The following DOCK1 variants were observed in gnomAD, a reference collection of about 807,000 sequenced individuals.
DOCK1 encodes the protein dedicator of cytokinesis 1.
A neutral mutation model predicts 262.7 loss-of-function variants in DOCK1; 138 were observed. The observed-to-expected ratio is 0.53, with a 90% CI of 0.46 to 0.61. The LOEUF (loss-of-function observed/expected upper bound fraction) is 0.61. DOCK1 is among the 20% of genes least tolerant of loss of function. DOCK1 has a pLI of 0.00. For missense variants in DOCK1, 1,908 were observed against 2,370.7 expected (o/e 0.80, Z 4.05); for synonymous variants, 866 against 867.4 (o/e 1.00, Z 0.03).
At chr10:126,953,168 ATTG>A (rs1267980155) in intron 1 of DOCK1, among the ~76,000 whole-genome samples, 1 of 148,586 alleles carries the variant, frequency 6.7e-6, no homozygotes, top group African/African-American at 2.5e-5. Flanking sequence ...TGGTGGTGGT[ATTG>A]TTATTGGCAG....
At chr10:127,341,860 G>A (rs2063442651) in intron 30 of DOCK1, among the ~76,000 whole-genome samples, 1 of 152,172 alleles carries the variant, frequency 6.6e-6, no homozygotes, top group African/African-American at 2.4e-5. Context: ...GCCTGCTGTC[G>A]GCTGCATTCT....
rs528010465 is a variant in DOCK1, at chr10:127,344,863, C to G, written c.3224+1117C>G. ...TCCAGCCTGGGCAACATGGCAAGAC[C>G]CCCTTTCAAAAAAAAAGAGAAGAAA... On this transcript the variant is annotated intron_variant, in intron 31 of 51. Coordinates refer to ENST00000623213, the MANE Select transcript of DOCK1 (RefSeq NM_001290223.2). 2.6e-5 allele frequency among the ~76,000 whole-genome samples: 4 copies of G among 152,070 alleles called. No homozygotes were observed. The East Asian group carries it at 7.7e-4, about 29-fold the overall frequency.
In DOCK1 at chr10:127,338,173, T is replaced by C. The variant is rs116871378; in HGVS notation, c.3045-833T>C. ...TTATCATCTGTGACCTAATACTAAT[T>C]CCTCTTACATCCTGCCTTTGTGCAA... On this transcript the variant is annotated intron_variant, in intron 29 of 51. Coordinates refer to ENST00000623213, the MANE Select transcript of DOCK1 (RefSeq NM_001290223.2). Among the ~76,000 whole-genome samples the C allele has an allele frequency of 7.0e-3, 1,066 of 152,272 alleles. 7 individuals carry two copies. Among genetic ancestry groups the C allele is most frequent in the Middle Eastern group, 0.031 (9 of 294 alleles).
At chr10:126,960,779 T>C (rs1446096879) in intron 1 of DOCK1, among the ~76,000 whole-genome samples, 4 of 108,144 alleles carry the variant, frequency 3.7e-5, no homozygotes, top group African/African-American at 8.7e-5. Context: ...TATATACGTA[T>C]ATATGTGTAT....
Position 127,160,441 on chromosome 10 carries a change from T to C in DOCK1, c.2847+32677T>C, listed in dbSNP as rs561313240. Reference sequence around the variant, plus strand: ...CTGGTTGCAGAGTTCAGCAGCATGCTGTGGGCCCCTCCCTGGAAGATGTGT... The same window carrying C: ...CTGGTTGCAGAGTTCAGCAGCATGCCGTGGGCCCCTCCCTGGAAGATGTGT... On this transcript the variant is annotated intron_variant, in intron 27 of 51. Coordinates refer to ENST00000623213, the MANE Select transcript of DOCK1 (RefSeq NM_001290223.2). 1.6e-4 allele frequency among the ~76,000 whole-genome samples: 25 copies of C among 152,344 alleles called. No homozygotes were observed. The South Asian group carries it at 4.6e-3, about 28-fold the overall frequency.
At position 126,988,665 on chromosome 10, in the gene DOCK1, A is replaced by T. The variant is rs2153439; in HGVS notation, c.324+1048A>T. On this transcript the variant is annotated intron_variant, in intron 5 of 51. Transcript: ENST00000623213. ...GACCTACTTAAGTCTGTAACCCTAG[A>T]GTAGGTATTCTTAATGAGCACCTTG... Among the ~76,000 whole-genome samples the T allele has an allele frequency of 8.2e-3, 1,249 of 152,338 alleles. 21 individuals are homozygous for T. The highest frequency in any genetic ancestry group is 0.028 in the African/African-American group (1,183 of 41,586).
chr10:127,429,110 G>A (rs1303934747), intron 47 of DOCK1, among the ~76,000 whole-genome samples: 1 of 151,802 alleles, frequency 6.6e-6, no homozygotes, highest in Non-Finnish European at 1.5e-5. Context: ...TTGGGATGCT[G>A]TGTGTCCTTG....
chr10:127,167,116 C>A (rs1298470089), intron 27 of DOCK1, among the ~76,000 whole-genome samples: 1 of 151,852 alleles, frequency 6.6e-6, no homozygotes, highest in South Asian at 2.1e-4. Context: ...TTTTTAAGAA[C>A]TTAAAAGTAG....
At chr10:127,387,318 C>T (rs1369044673) in intron 38 of DOCK1, among the ~76,000 whole-genome samples, 2 of 152,220 alleles carry the variant, frequency 1.3e-5, no homozygotes, top group Non-Finnish European at 2.9e-5. Flanking sequence ...GAGGACGTTG[C>T]TTGAGTCAGT....
At chr10:127,279,073 A>G (rs548809220) in intron 29 of DOCK1, among the ~76,000 whole-genome samples, 63 of 152,352 alleles carry the variant, frequency 4.1e-4, no homozygotes, top group African/African-American at 7.9e-4. Context: ...TAGTTAATTA[A>G]TAATTTTCCA....
intron 29 of DOCK1, among the ~76,000 whole-genome samples, chr10:127,305,105 GTC>G (rs2061827268): frequency 1.3e-5 from 2 of 151,832 alleles, no homozygotes; most frequent in African/African-American, 4.8e-5. Context: ...TCTCACCCCA[GTC>G]TAATTTTGCA....
chr10:127,174,523 C>T (rs1029055295), intron 27 of DOCK1, among the ~76,000 whole-genome samples: 5 of 152,142 alleles, frequency 3.3e-5, no homozygotes, highest in African/African-American at 4.8e-5. Context: ...GTCTTATCAA[C>T]GCAATAAAGT....
chr10:127,107,772 A>G (rs988538023), intron 24 of DOCK1, among the ~76,000 whole-genome samples: 5 of 152,206 alleles, frequency 3.3e-5, no homozygotes, highest in African/African-American at 1.2e-4. Context: ...CTCATATTTT[A>G]GTAGCTCAGG....
At chr10:127,224,832 G>A (rs11599788) in intron 27 of DOCK1, among the ~76,000 whole-genome samples, 32,443 of 151,900 alleles carry the variant, frequency 0.21, 4,440 homozygotes, top group Admixed American at 0.31. Flanking sequence ...TGAAGTAGGA[G>A]TTTTAGGGAG....
intron 23 of DOCK1, among the ~76,000 whole-genome samples, chr10:127,069,307 T>C (rs892883150): frequency 5.9e-5 from 9 of 152,152 alleles, no homozygotes; most frequent in African/African-American, 2.2e-4. Flanking sequence ...TTGTGTTTCT[T>C]GGTACAGGAT....
At chr10:126,996,002 G>C (rs1247232890) in intron 6 of DOCK1, among the ~76,000 whole-genome samples, 1 of 152,084 alleles carries the variant, frequency 6.6e-6, no homozygotes, top group African/African-American at 2.4e-5. Context: ...CTCTGATGAT[G>C]TCACAACTGC....
At chr10:127,137,609 C>A (rs933729330) in intron 27 of DOCK1, 2 of 429,440 alleles carry the variant, frequency 4.7e-6, no homozygotes, top group Non-Finnish European at 8.2e-6. Context: ...TCAGATTTTA[C>A]ATCCCACATC....
chr10:127,291,170 A>G (rs1440275721), intron 29 of DOCK1, among the ~76,000 whole-genome samples: 2 of 152,132 alleles, frequency 1.3e-5, no homozygotes, highest in Non-Finnish European at 2.9e-5. Flanking sequence ...TTCAGTCAAG[A>G]CTTTTGCTTA....
At chr10:127,329,072 T>C (rs1361024061) in intron 29 of DOCK1, among the ~76,000 whole-genome samples, 1 of 152,142 alleles carries the variant, frequency 6.6e-6, no homozygotes, top group Non-Finnish European at 1.5e-5. Context: ...CAGTTATCAC[T>C]ACTGTTGATT....
Sources: allele counts gnomAD v4.1 joint callset (sites outside exome capture counted in the v4.1 genomes callset), GRCh38; gene constraint gnomAD v4.1.1; transcripts MANE v1.5; gene names NCBI Gene and HGNC (gene_info 2026-07-23, HGNC 2026-07-21).